NBEA: variants seen among roughly 807,000 people sequenced by gnomAD.
The protein encoded by NBEA is neurobeachin.
A neutral mutation model predicts 343.4 loss-of-function variants in NBEA; 44 were observed. That is an observed-to-expected ratio of 0.13 (90% CI 0.10 to 0.16). NBEA has a LOEUF of 0.16. NBEA is among the 10% of genes least tolerant of loss of function. The probability of loss-of-function intolerance (pLI) is 1.00; values close to 1 mark genes in which losing one functional copy is unlikely to be tolerated. For synonymous variants in NBEA, 1,175 were observed against 1,238.7 expected (o/e 0.95, Z 1.08); for missense variants, 2,555 against 3,631.3 (o/e 0.70, Z 7.62).
chr13:35,168,441 G>A (rs1251604169), intron 24 of NBEA, among the ~76,000 whole-genome samples: 1 of 151,474 alleles, frequency 6.6e-6, no homozygotes, highest in Admixed American at 6.6e-5. Flanking sequence ...TGGTTTATAA[G>A]TTATAATCTC....
chr13:34,991,634 A>G (rs990304797), intron 1 of NBEA, among the ~76,000 whole-genome samples: 1 of 152,194 alleles, frequency 6.6e-6, no homozygotes, highest in East Asian at 1.9e-4. Context: ...GAGACAGATC[A>G]TATCAATATA....
intron 35 of NBEA, among the ~76,000 whole-genome samples, 192 bp from the exon 36 acceptor site, chr13:35,309,336 G>C (rs1156557947): frequency 6.6e-6 from 1 of 151,974 alleles, no homozygotes; most frequent in Admixed American, 6.6e-5. Context: ...TGAATCAAAA[G>C]CACCTTATAA....
Position 35,070,747 on chromosome 13 carries a change from T to C in NBEA, c.1466T>C (p.Ile489Thr). Residue 489 changes from isoleucine (I) to threonine (T), a missense_variant, in exon 10 of 59, where the codon ATT becomes ACT. Transcript: ENST00000379939. ...GTGAAAGCGATAGTAACACATTCAA[T>C]TCATAGTGCAATTCATTCAATTGGA... ...QDVKAIVTHS[I>T]HSAIHSIGGI... is the part of the protein sequence containing the mutation. 3 of 1,599,168 alleles carry C rather than the reference T, an allele frequency of 1.9e-6. No homozygotes were observed. Among genetic ancestry groups the C allele is most frequent in the Non-Finnish European group, 2.6e-6 (3 of 1,171,300 alleles).
chr13:35,650,767 A>G (rs2084478801), intron 52 of NBEA, among the ~76,000 whole-genome samples: 1 of 152,184 alleles, frequency 6.6e-6, no homozygotes, highest in South Asian at 2.1e-4. Flanking sequence ...GGCAGAGTGG[A>G]TGTGACCAAA....
intron 4 of NBEA, among the ~76,000 whole-genome samples, chr13:35,046,708 T>A (rs535224829): frequency 3.5e-4 from 53 of 152,222 alleles, no homozygotes; most frequent in African/African-American, 1.3e-3. Flanking sequence ...GAGTGTTGTG[T>A]CTCCCTGCCT....
intron 47 of NBEA, among the ~76,000 whole-genome samples, chr13:35,601,238 C>T (rs1408727608): frequency 7.9e-5 from 12 of 151,116 alleles, no homozygotes; most frequent in African/African-American, 2.9e-4. Flanking sequence ...TTTTAATCAA[C>T]ATTTCAATGC....
intron 48 of NBEA, among the ~76,000 whole-genome samples, chr13:35,625,736 A>G (rs569537517): frequency 2.0e-5 from 3 of 152,306 alleles, no homozygotes; most frequent in Admixed American, 6.5e-5. Context: ...GAGGAAACCC[A>G]AAAGACCAAC....
At chr13:35,217,241 C>T (rs919981742) in intron 33 of NBEA, among the ~76,000 whole-genome samples, 1 of 151,926 alleles carries the variant, frequency 6.6e-6, no homozygotes, top group Non-Finnish European at 1.5e-5. Flanking sequence ...AACTTTTGAA[C>T]TCTGAGAGTT....
intron 48 of NBEA, among the ~76,000 whole-genome samples, chr13:35,607,040 A>G (rs2082306707): frequency 1.3e-5 from 2 of 152,166 alleles, no homozygotes; most frequent in South Asian, 2.1e-4. Flanking sequence ...ATTCTGAAAT[A>G]GAAAACATCT....
At chr13:35,346,240 A>G (rs557069066) in intron 36 of NBEA, among the ~76,000 whole-genome samples, 47 of 152,036 alleles carry the variant, frequency 3.1e-4, no homozygotes, top group African/African-American at 1.1e-3. Context: ...CTGTTAATCT[A>G]TTTAAGTTTT....
chr13:35,333,666 A>G (rs1321278522), intron 36 of NBEA, among the ~76,000 whole-genome samples: 1 of 152,014 alleles, frequency 6.6e-6, no homozygotes. Flanking sequence ...TTGTACCATT[A>G]ACCACCCCTA....
chr13:35,447,752 C>A (rs987685805), intron 39 of NBEA, among the ~76,000 whole-genome samples: 1 of 152,094 alleles, frequency 6.6e-6, no homozygotes, highest in Non-Finnish European at 1.5e-5. Flanking sequence ...TTGTGGTATT[C>A]GCTTGTTAAT....
chr13:35,159,576 G>A lies in NBEA; in HGVS notation c.3405G>A (p.Glu1135=), dbSNP rs1235727140. 4 of 1,612,230 alleles carry A rather than the reference G, an allele frequency of 2.5e-6. No homozygotes were observed. In the South Asian group the frequency reaches 4.4e-5, roughly 18 times the overall value. The change falls in exon 22 of 59, where the codon GAG becomes GAA. Residue 1135 remains glutamate, a synonymous_variant. Transcript: ENST00000379939. ...GTCCATTGATAACATTAGCAGATGA[G>A]AAAGAAGACCTTCCCAATAGTAGTA... The part of the protein sequence containing the change: ...DNGPLITLAD[E]KEDLPNSSTS...
intron 49 of NBEA, among the ~76,000 whole-genome samples, chr13:35,633,249 C>T (rs2083543599): frequency 6.6e-6 from 1 of 151,400 alleles, no homozygotes; most frequent in Admixed American, 6.6e-5. Context: ...ACTACAGGCG[C>T]CTGCTGCCAC....
At chr13:35,665,668 G>A (rs1019862276) in intron 56 of NBEA, among the ~76,000 whole-genome samples, 2 of 152,064 alleles carry the variant, frequency 1.3e-5, no homozygotes, top group Non-Finnish European at 2.9e-5. Flanking sequence ...CTCTTGTCAC[G>A]CAGGCTGGGG....
Position 35,606,503 on chromosome 13 carries a change from T to C in NBEA, c.7374T>C (p.Asp2458=). Residue 2458 remains aspartate (D), a synonymous_variant, in exon 48 of 59, where the codon GAT becomes GAC. Transcript: ENST00000379939. Reference sequence around the variant, plus strand: ...GATATAATCTTGGAGTCAGAGAAGATGAAGTAGTGGTAAATGATGTTGATC... The same window carrying C: ...GATATAATCTTGGAGTCAGAGAAGACGAAGTAGTGGTAAATGATGTTGATC... ...SNGYNLGVRE[D]EVVVNDVDLP... 1 of 1,606,678 alleles carries C rather than the reference T, an allele frequency of 6.2e-7. No homozygotes were observed. Among genetic ancestry groups the C allele is most frequent in the South Asian group, 1.1e-5 (1 of 89,888 alleles).
At chr13:35,608,369 T>C (rs1214805060) in intron 48 of NBEA, among the ~76,000 whole-genome samples, 1 of 152,238 alleles carries the variant, frequency 6.6e-6, no homozygotes, top group Non-Finnish European at 1.5e-5. Context: ...TTCAGTAATA[T>C]ATACTTCTGA....
At chr13:35,096,814 A>G (rs944905499) in intron 10 of NBEA, among the ~76,000 whole-genome samples, 1 of 151,974 alleles carries the variant, frequency 6.6e-6, no homozygotes, top group Non-Finnish European at 1.5e-5. Flanking sequence ...TTCATTTAAA[A>G]TGGACTAGAT....
intron 36 of NBEA, among the ~76,000 whole-genome samples, chr13:35,319,346 C>T (rs189078229): frequency 3.5e-4 from 53 of 152,254 alleles, no homozygotes; most frequent in Middle Eastern, 3.4e-3. Context: ...GCCTTCATTT[C>T]GTTATTTACC....
Sources: allele counts gnomAD v4.1 joint callset (sites outside exome capture counted in the v4.1 genomes callset), GRCh38; gene constraint gnomAD v4.1.1; transcripts MANE v1.5; gene names NCBI Gene and HGNC (gene_info 2026-07-23, HGNC 2026-07-21).